ASPG: variants seen among roughly 807,000 people sequenced by gnomAD.
ASPG encodes 60 kDa lysophospholipase.
Under a neutral mutation model 63.2 loss-of-function variants are expected in ASPG, and 53 were observed. The ratio of observed to expected loss-of-function variants is 0.84; its 90% CI spans 0.67 to 1.05. The LOEUF (loss-of-function observed/expected upper bound fraction) is 1.05. Ranked by LOEUF, ASPG falls within the 50% of genes least tolerant of loss-of-function variation. ASPG has a pLI of 0.00. For synonymous variants in ASPG, 370 were observed against 355.0 expected, an observed-to-expected ratio of 1.04 and a Z score of -0.48; for missense variants, 741 against 794.4, an observed-to-expected ratio of 0.93 and a Z score of 0.81.
In ASPG at chr14:104,112,785, A is replaced by G; in HGVS notation, c.*241A>G. On this transcript the variant is annotated 3_prime_UTR_variant, in exon 16 of 16. Transcript: ENST00000551177. ...TGGATGTGTGTGGGGAGTCAGGCCCAGGCTCTGTGGGGTCTCTGCGGGGGT... is the reference window on the plus strand; with the variant it reads ...TGGATGTGTGTGGGGAGTCAGGCCCGGGCTCTGTGGGGTCTCTGCGGGGGT... 1 of 861,200 alleles carries G rather than the reference A, an allele frequency of 1.2e-6. No individual in the cohort carries two copies. Among genetic ancestry groups the G allele is most frequent in the Non-Finnish European group, 1.7e-6 (1 of 578,416 alleles). The allele number at this position is 861,200 out of a possible 1,614,324, so 53.3% of individuals were successfully genotyped here.
chr14:104,112,005 G>A lies in ASPG; in HGVS notation c.1701+5G>A. 1 of 1,552,266 alleles carries A rather than the reference G, an allele frequency of 6.4e-7. No homozygotes were observed. The highest frequency in any genetic ancestry group is 8.7e-7 in the Non-Finnish European group (1 of 1,147,512). On this transcript the variant is annotated splice_donor_5th_base_variant and intron_variant, in intron 15 of 15. Coordinates refer to ENST00000551177, the MANE Select transcript of ASPG (RefSeq NM_001080464.3). ...GGTGCCCAGGCCCCATGCCCAGTAA[G>A]TCCCCACCCCAGGCGGGGCTGACAC...
intron 12 of ASPG, among the ~76,000 whole-genome samples, chr14:104,108,148 G>A (rs1378219178): frequency 1.3e-5 from 2 of 152,152 alleles, no homozygotes; most frequent in African/African-American, 4.8e-5. Context: ...GGTGGGGTGT[G>A]GCACCTTTTG....
rs577883139 is a variant in ASPG, at chr14:104,114,240, G to T, written c.*1696G>T. The T allele has an allele frequency of 1.3e-5, 2 of 152,408 alleles. No individual in the cohort carries two copies. Among genetic ancestry groups the T allele is most frequent in the Admixed American group, 1.3e-4 (2 of 15,312 alleles). The allele number at this position is 152,408 out of a possible 1,614,324, so 9.4% of individuals were successfully genotyped here. On this transcript the variant is annotated 3_prime_UTR_variant, in exon 16 of 16. Coordinates refer to ENST00000551177, the MANE Select transcript of ASPG (RefSeq NM_001080464.3). ...GTAGACACACCGACTGATGCCGGGG[G>T]TGAGTGTCCTGTAGTGTAGAAACGC...
In ASPG at chr14:104,109,356, G is replaced by A; in HGVS notation, c.1520+41G>A. 6.4e-7 allele frequency: 1 copy of A among 1,563,900 alleles called. No homozygotes were observed. Among genetic ancestry groups the A allele is most frequent in the Non-Finnish European group, 8.7e-7 (1 of 1,152,856 alleles). On this transcript the variant is annotated intron_variant, in intron 13 of 15. Coordinates refer to ENST00000551177, the MANE Select transcript of ASPG (RefSeq NM_001080464.3). This position sits in a 1 kb window ranked among gnomAD's most constrained non-coding sequence, Gnocchi z 4.8. ...GCACCTGCTCTTCCAGGGATGTGGG[G>A]GACACAGCTTGGGGAAGCGAAGCCA...
chr14:104,089,953 A>G (rs2036320482), intron 1 of ASPG, among the ~76,000 whole-genome samples: 3 of 149,504 alleles, frequency 2.0e-5, no homozygotes, highest in South Asian at 4.2e-4. Context: ...GCCTCAAAAA[A>G]AAAAAAAAAA....
At chr14:104,107,122 T>C in intron 11 of ASPG, 60 bp from the exon 12 acceptor site, 4 of 1,516,528 alleles carry the variant, frequency 2.6e-6, no homozygotes, top group Non-Finnish European at 3.5e-6. Context: ...ACCCTCCCCA[T>C]GGCCTACCTG....
chr14:104,096,683 G>T (rs1055826141), intron 4 of ASPG, among the ~76,000 whole-genome samples: 5 of 152,172 alleles, frequency 3.3e-5, no homozygotes, highest in Admixed American at 2.6e-4. Context: ...TCACATGCAT[G>T]TTGTCCTCAC....
At position 104,085,705 on chromosome 14, in the gene ASPG, C is replaced by A; in HGVS notation, c.-66C>A. The A allele has an allele frequency of 7.2e-7, 1 of 1,395,118 alleles. No individual in the cohort carries two copies. The highest frequency in any genetic ancestry group is 9.3e-7 in the Non-Finnish European group (1 of 1,069,568). 86.4% of individuals were successfully genotyped at this position (1,395,118 alleles called of 1,614,324 possible). A position where few individuals can be genotyped will look rare whatever the true frequency, so the allele number is the denominator to read the frequency against. ...GCCCCGGGCCTCCTCCGCGCAGTCC[C>A]TGAGTCCCGCAGGCCCTGCGTCCCC... On this transcript the variant is annotated 5_prime_UTR_variant, in exon 1 of 16. It adds an upstream start codon to the 5' untranslated region. Coordinates refer to ENST00000551177, the MANE Select transcript of ASPG (RefSeq NM_001080464.3).
chr14:104,094,482 C>G (rs970878138), intron 3 of ASPG, among the ~76,000 whole-genome samples: 4 of 151,952 alleles, frequency 2.6e-5, no homozygotes, highest in African/African-American at 9.7e-5. Flanking sequence ...CTTCTCCCTT[C>G]TCCCCCATCA....
chr14:104,104,777 A>C, intron 9 of ASPG, 42 bp downstream of exon 9: 1 of 1,513,000 alleles, frequency 6.6e-7, no homozygotes, highest in Non-Finnish European at 9.0e-7. Context: ...CGGTGTGCAC[A>C]AGCATGTCAG....
chr14:104,105,170 G>A, intron 9 of ASPG, 158 bp from the exon 10 acceptor site: 3 of 1,179,198 alleles, frequency 2.5e-6, no homozygotes, highest in Non-Finnish European at 3.6e-6. Context: ...CCTTGGGAGG[G>A]GACCCAGCCC....
chr14:104,112,441 C>T (rs763292969), intron 15 of ASPG, 83 bp from the exon 16 acceptor site: 13 of 839,282 alleles, frequency 1.5e-5, no homozygotes, highest in Non-Finnish European at 2.7e-5. Flanking sequence ...CTGTGCCGTA[C>T]AGACGGGGTG....
At chr14:104,098,717 C>G in intron 5 of ASPG, 136 bp from the exon 6 acceptor site, 2 of 1,368,150 alleles carry the variant, frequency 1.5e-6, no homozygotes, top group Non-Finnish European at 2.0e-6. Context: ...AAGGTCTCTG[C>G]CTGCGGTGGG....
rs747744019 is a variant in ASPG at position 104,109,308 on chromosome 14, C to T, written c.1513C>T (p.Leu505=). Reference sequence around the variant, plus strand: ...GGAGCTGGAGGAAGCAGGGACGGAGCTGTGCAGGTGAGTGCAGCTAGAGCA... The same window carrying T: ...GGAGCTGGAGGAAGCAGGGACGGAGTTGTGCAGGTGAGTGCAGCTAGAGCA... ...TQELEEAGTE[L]CRLAYRADLE... The change falls in exon 13 of 16, where the codon CTG becomes TTG. Residue 505 remains leucine, a synonymous_variant. Coordinates refer to ENST00000551177, the MANE Select transcript of ASPG (RefSeq NM_001080464.3). The surrounding 1 kb of genome is among the most constrained non-coding windows in gnomAD (Gnocchi z 4.8). The T allele has an allele frequency of 1.9e-6, 3 of 1,610,622 alleles. No homozygotes were observed. The highest frequency in any genetic ancestry group is 2.5e-6 in the Non-Finnish European group (3 of 1,178,960).
At chr14:104,104,507 C>T in intron 8 of ASPG, 21 bp downstream of exon 8, 1 of 1,607,762 alleles carries the variant, frequency 6.2e-7, no homozygotes, top group Non-Finnish European at 8.5e-7. Context: ...GAGATCAGGG[C>T]CTAGCGGGGA....
chr14:104,109,411 G>T lies in ASPG; in HGVS notation c.1520+96G>T. 1 of 1,373,048 alleles carries T rather than the reference G, an allele frequency of 7.3e-7. No homozygotes were observed. Among genetic ancestry groups the T allele is most frequent in the Non-Finnish European group, 9.8e-7 (1 of 1,022,062 alleles). The allele number at this position is 1,373,048 out of a possible 1,614,324, so 85.1% of individuals were successfully genotyped here. On this transcript the variant is annotated intron_variant, in intron 13 of 15. Transcript: ENST00000551177. The surrounding 1 kb of genome is among the most constrained non-coding windows in gnomAD (Gnocchi z 4.8). ...TGCTGGGAGGGACAAGTGAGTCAGG[G>T]TGTGGGGGCTTTCAGAGGCGAGGCC...
intron 12 of ASPG, chr14:104,108,710 G>C (rs1391600275): frequency 1.5e-5 from 15 of 985,218 alleles, no homozygotes; most frequent in Non-Finnish European, 1.8e-5. Context: ...AGACTCCACT[G>C]TCCGGGTGCC....
rs759419302 is a variant in ASPG, at chr14:104,104,418, G to A, written c.868G>A (p.Gly290Ser). Residue 290 changes from glycine (G) to serine (S), a missense_variant, in exon 8 of 16, where the codon GGC becomes AGC. By Grantham distance (56) the Gly-to-Ser change is moderately conservative (BLOSUM62 0). Coordinates refer to ENST00000551177, the MANE Select transcript of ASPG (RefSeq NM_001080464.3). ...GGAGCTGCGGGTGGCCACCGAGCGC[G>A]GCCTGGTCATCGTCAACTGTACCCA... ...LQELRVATER[G>S]LVIVNCTHCL... 3.7e-5 allele frequency: 59 copies of A among 1,612,466 alleles called. No homozygotes were observed. The Middle Eastern group carries it at 8.2e-4, about 22-fold the overall frequency.
intron 12 of ASPG, among the ~76,000 whole-genome samples, chr14:104,107,629 C>T (rs988886108): frequency 2.0e-5 from 3 of 152,182 alleles, no homozygotes; most frequent in Admixed American, 2.0e-4. Context: ...GCCCAGCAGC[C>T]AGACGCGGTC....
Sources: gnomAD v4.1 joint callset for allele counts (sites outside exome capture counted in the v4.1 genomes callset) on GRCh38, gnomAD v4.1.1 for gene constraint, Gnocchi (gnomAD v3.1) non-coding constraint, MANE v1.5 for transcripts, NCBI Gene and HGNC (gene_info 2026-07-23, HGNC 2026-07-21) for gene names.